Variants in DRP2 observed in about 807,000 individuals in gnomAD.
DRP2 encodes dystrophin related protein 2.
Under a neutral mutation model 78.2 loss-of-function variants are expected in DRP2, and 29 were observed. The observed-to-expected ratio is 0.37, with a 90% CI of 0.28 to 0.51. The LOEUF (loss-of-function observed/expected upper bound fraction) is 0.51, where lower values mean the gene tolerates loss of function less well. Among genes scored for constraint, DRP2 ranks in the 20% least tolerant of loss-of-function variants. The pLI, the probability that DRP2 is intolerant of heterozygous loss-of-function variation, is 0.94. For synonymous variants in DRP2, 290 were observed against 281.9 expected, an observed-to-expected ratio of 1.03 and a Z score of -0.29; for missense variants, 686 against 770.6, an observed-to-expected ratio of 0.89 and a Z score of 1.30.
chrX:101,230,397 G>T (rs1922259831), intron 2 of DRP2, among the ~76,000 whole-genome samples: 1 of 110,898 alleles, frequency 9.0e-6, no homozygotes, highest in African/African-American at 3.3e-5. Context: ...ATGGTGGCAG[G>T]CACCTGTAAT....
In DRP2 at chrX:101,250,577, T is replaced by A. The variant is rs147766908; in HGVS notation, c.1695T>A (p.Arg565=). ...NVEPSVRSCF[R]FSTGKPVIEA... ...AGCCCAGTGTCCGTAGTTGCTTCCGTTTTGTGAGTATGGAACTGGGGAGTG... is the reference window on the plus strand; with the variant it reads ...AGCCCAGTGTCCGTAGTTGCTTCCGATTTGTGAGTATGGAACTGGGGAGTG... Residue 565 remains arginine (R), a synonymous_variant, in exon 15 of 24, where the codon CGT becomes CGA. Coordinates refer to ENST00000395209, the MANE Select transcript of DRP2 (RefSeq NM_001939.3). The A allele has an allele frequency of 1.7e-6, 2 of 1,192,667 alleles. No individual in the cohort carries two copies. Among genetic ancestry groups the A allele is most frequent in the African/African-American group, 3.5e-5 (2 of 57,226 alleles).
chrX:101,251,067 C>T lies in DRP2; in HGVS notation c.1849C>T (p.Pro617Ser), dbSNP rs1165806356. 1 of 1,207,349 alleles carries T rather than the reference C, an allele frequency of 8.3e-7. No homozygotes were observed. ...CAAGTGCTCTATCTGTAGGCAGTGC[C>T]CCATCAAGGGGTTCAGGTAGGGAAA... The part of the protein sequence containing the change: ...QTKCSICRQC[P>S]IKGFRYRSLK... Residue 617 changes from proline to serine, a missense_variant, in exon 16 of 24, where the codon CCC (proline) becomes TCC (serine). Physicochemically the swap from Pro to Ser is moderately conservative, Grantham distance 74 (BLOSUM62 -1). Transcript: ENST00000395209.
chrX:101,243,348 C>T (rs1256661599), intron 9 of DRP2, among the ~76,000 whole-genome samples: 1 of 104,778 alleles, frequency 9.5e-6, no homozygotes, highest in East Asian at 3.0e-4. Context: ...ATTGCTTGAA[C>T]CCAGGAGGTG....
In DRP2 at chrX:101,262,415, C is replaced by T. The variant is rs1353813173; in HGVS notation, c.*1794C>T. 5 of 111,872 alleles carry T rather than the reference C, an allele frequency of 4.5e-5. No homozygotes were observed. In the South Asian group the frequency reaches 1.5e-3, roughly 34 times the overall value. The allele number at this position is 111,872 out of a possible 1,213,427, so 9.2% of individuals were successfully genotyped here. A position where few individuals can be genotyped will look rare whatever the true frequency, so the allele number is the denominator to read the frequency against. ...CTTTATTAGCCTTTGCCAGCTAAGA[C>T]ACAGAGAACATTCTCTGGTCCCTTC... is the stretch of plus-strand genomic sequence containing the variant. On this transcript the variant is annotated 3_prime_UTR_variant, in exon 24 of 24. Coordinates refer to ENST00000395209, the MANE Select transcript of DRP2 (RefSeq NM_001939.3).
Position 101,256,549 on chromosome X carries a change from TA to T in DRP2, c.2390+291del, listed in dbSNP as rs1361550679. Among the ~76,000 whole-genome samples the T allele has an allele frequency of 9.2e-5, 7 of 75,945 alleles. No individual in the cohort carries two copies. In the South Asian group the frequency reaches 6.3e-3, roughly 68 times the overall value. The allele number at this position is 75,945 out of a possible 115,157, so 65.9% of individuals were successfully genotyped here. On this transcript the variant is annotated intron_variant, in intron 21 of 23. Transcript: ENST00000395209. ...ATTATAATAATTATTTGAAAACTTTTAAATTTTTTTTTTTTTTGAGACAGAG... is the reference window on the plus strand; with the variant it reads ...ATTATAATAATTATTTGAAAACTTTTAATTTTTTTTTTTTTTGAGACAGAG...
chrX:101,254,552 A>G lies in DRP2; in HGVS notation c.2105A>G (p.Tyr702Cys). ...LPVQSVLEAD[Y>C]SETPASSPMW... ...GTGCAATCAGTGCTGGAGGCTGACTACAGTGAGACGTGAGTACTGGTGGCT... is the reference window on the plus strand; with the variant it reads ...GTGCAATCAGTGCTGGAGGCTGACTGCAGTGAGACGTGAGTACTGGTGGCT... Residue 702 changes from tyrosine (Y) to cysteine (C), a missense_variant, in exon 18 of 24, where the codon TAC becomes TGC. By Grantham distance (194) the Tyr-to-Cys change is radical. Coordinates refer to ENST00000395209, the MANE Select transcript of DRP2 (RefSeq NM_001939.3). The G allele has an allele frequency of 8.3e-7, 1 of 1,212,022 alleles. No individual in the cohort carries two copies. The highest frequency in any genetic ancestry group is 1.1e-6 in the Non-Finnish European group (1 of 895,539).
chrX:101,260,085 T>C lies in DRP2; in HGVS notation c.2665T>C (p.Ser889Pro), dbSNP rs755543611. The change falls in exon 23 of 24, where the codon TCG becomes CCG. Residue 889 changes from serine (S) to proline (P), a missense_variant. Physicochemically the swap from Ser to Pro is moderately conservative, Grantham distance 74. Around this residue, in one of 2 missense-constraint regions of DRP2, gnomAD observed 423 missense variants for 531.5 expected, o/e 0.80. Coordinates refer to ENST00000395209, the MANE Select transcript of DRP2 (RefSeq NM_001939.3). The stretch of plus-strand genomic sequence containing the variant: ...ATCAGATGGCAGTGGCTCTGCAGGC[T>C]CGTCCCTAGCTTCCTCTCCACAGCA... ...TESDGSGSAG[S>P]SLASSPQQSE... 1 of 1,211,434 alleles carries C rather than the reference T, an allele frequency of 8.3e-7. No homozygotes were observed. Among genetic ancestry groups the C allele is most frequent in the Non-Finnish European group, 1.1e-6 (1 of 895,430 alleles).
intron 5 of DRP2, among the ~76,000 whole-genome samples, chrX:101,238,589 G>C (rs889331514): frequency 9.0e-6 from 1 of 111,507 alleles, no homozygotes; most frequent in Non-Finnish European, 1.9e-5. Flanking sequence ...GTTACATCAA[G>C]ATGTACAGTT....
intron 2 of DRP2, among the ~76,000 whole-genome samples, chrX:101,229,259 A>G (rs1167625989): frequency 8.9e-6 from 1 of 112,414 alleles, no homozygotes; most frequent in Non-Finnish European, 1.9e-5. Flanking sequence ...TAACACATCC[A>G]TAGCAGTACT....
At chrX:101,231,836 C>T (rs747998323) in intron 3 of DRP2, 72 bp downstream of exon 3, 1 of 949,961 alleles carries the variant, frequency 1.1e-6, no homozygotes, top group African/African-American at 1.9e-5. Flanking sequence ...TTGGGGTACC[C>T]ACGCTTCCTA....
chrX:101,231,157 T>C (rs1432971354), intron 2 of DRP2, among the ~76,000 whole-genome samples: 1 of 112,701 alleles, frequency 8.9e-6, no homozygotes, highest in Non-Finnish European at 1.9e-5. Context: ...TATCTACTTA[T>C]CTTTTGAGAC....
intron 17 of DRP2, among the ~76,000 whole-genome samples, chrX:101,254,047 C>T (rs1412560156): frequency 9.0e-6 from 1 of 110,994 alleles, no homozygotes; most frequent in Non-Finnish European, 1.9e-5. Context: ...TTTGAGAGGC[C>T]GAGGTAGGAG....
chrX:101,249,169 T>C (rs1298474048), intron 14 of DRP2, among the ~76,000 whole-genome samples: 3 of 112,287 alleles, frequency 2.7e-5, no homozygotes, highest in Non-Finnish European at 5.6e-5. Flanking sequence ...GACTGCTAAA[T>C]GGGGTGAGTG....
intron 18 of DRP2, 100 bp from the exon 19 acceptor site, chrX:101,254,759 A>C (rs1923275274): frequency 9.0e-7 from 1 of 1,110,952 alleles, no homozygotes; most frequent in South Asian, 1.9e-5. Context: ...TTTTGTTCCC[A>C]TCAGCTCTTG....
At position 101,239,275 on chromosome X, in the gene DRP2, A is replaced by C. The variant is rs1922629590; in HGVS notation, c.559+174A>C. 3.6e-5 allele frequency among the ~76,000 whole-genome samples: 4 copies of C among 111,631 alleles called. No individual in the cohort carries two copies. The South Asian group carries it at 1.5e-3, about 43-fold the overall frequency. ...AGCAAGATTCCTACTGCAGGAAAAA[A>C]AGCAAAGAGAATATAGCCTGGAGCA... On this transcript the variant is annotated intron_variant, in intron 6 of 23. Transcript: ENST00000395209.
Position 101,258,544 on chromosome X carries a change from C to T in DRP2, c.2626C>T (p.Gln876Ter). The change falls in exon 22 of 24, where the codon CAG becomes TAG. Residue 876 changes from glutamine (Q) to a stop codon, truncating the protein, a stop_gained and splice_region_variant. Coordinates refer to ENST00000395209, the MANE Select transcript of DRP2 (RefSeq NM_001939.3). LOFTEE classifies it high-confidence loss of function. ...QLQRLRELLL[Q>*]PPTESDGSGS... ...GCAGCGTCTGAGGGAGCTTCTCCTG[C>T]AGGTGAGGATGGAGACAGGAAAAGA... The T allele has an allele frequency of 8.5e-7, 1 of 1,174,617 alleles. No homozygotes were observed. The highest frequency in any genetic ancestry group is 1.1e-6 in the Non-Finnish European group (1 of 875,423).
At position 101,230,516 on chromosome X, in the gene DRP2, G is replaced by A. The variant is rs6621012; in HGVS notation, c.-63-1069G>A. The stretch of plus-strand genomic sequence containing the variant: ...ACTCCGGCCTGGGCAACAAGAGCGA[G>A]ACTCCCGTCTAAAATAAATAAATAA... On this transcript the variant is annotated intron_variant, in intron 2 of 23. Transcript: ENST00000395209. Among the ~76,000 whole-genome samples, 852 of 110,757 alleles carry A rather than the reference G, an allele frequency of 7.7e-3. 7 individuals are homozygous for A. The highest frequency in any genetic ancestry group is 0.027 in the African/African-American group (819 of 30,465).
At chrX:101,240,591 A>T (rs780877223) in intron 6 of DRP2, among the ~76,000 whole-genome samples, 1 of 111,723 alleles carries the variant, frequency 9.0e-6, no homozygotes, top group East Asian at 2.8e-4. Context: ...CTTGATAGAG[A>T]GGGCCACTCT....
At chrX:101,243,669 C>T (rs1416799706) in intron 9 of DRP2, among the ~76,000 whole-genome samples, 1 of 112,044 alleles carries the variant, frequency 8.9e-6, no homozygotes, top group Non-Finnish European at 1.9e-5. Flanking sequence ...GTAAACAAAA[C>T]ACACAGAAAT....
Sources: allele counts gnomAD v4.1 joint callset (sites outside exome capture counted in the v4.1 genomes callset), GRCh38; gene constraint gnomAD v4.1.1; regional missense constraint gnomAD v4.1.1; transcripts MANE v1.5; gene names NCBI Gene and HGNC (gene_info 2026-07-23, HGNC 2026-07-21).